RBFOX1: variants seen among roughly 807,000 people sequenced by gnomAD.
The protein encoded by RBFOX1 is RNA binding fox-1 homolog 1, also known as RNA binding protein fox-1 homolog 1.
Under a neutral mutation model 57.7 loss-of-function variants are expected in RBFOX1, and 8 were observed. That is an observed-to-expected ratio of 0.14 (90% CI 0.08 to 0.25). The LOEUF (loss-of-function observed/expected upper bound fraction) is 0.25. Among genes scored for constraint, RBFOX1 ranks in the 10% least tolerant of loss-of-function variants. The probability of loss-of-function intolerance (pLI) is 1.00; values close to 1 mark genes in which losing one functional copy is unlikely to be tolerated. For synonymous variants in RBFOX1, 326 were observed against 222.4 expected (o/e 1.47, Z -4.15); for missense variants, 611 against 548.5 (o/e 1.11, Z -1.14).
At position 6,941,300 on chromosome 16, in the gene RBFOX1, C is replaced by CCTTCCTTCCT. The variant is rs1567990534; in HGVS notation, c.-15-110757_-15-110756insCTTCCTTCCT. 3.5e-3 allele frequency among the ~76,000 whole-genome samples: 278 copies of CCTTCCTTCCT among 79,178 alleles called. 2 individuals are homozygous for CCTTCCTTCCT. The highest frequency in any genetic ancestry group is 5.1e-3 in the African/African-American group (90 of 17,630). 51.9% of individuals were successfully genotyped at this position (79,178 alleles called of 152,430 possible). ...CTCCCTTCCCTCCTTCCCTCCCTCC[C>CCTTCCTTCCT]TCCTTCCTTCCTTCCTTCCTTCCTT... On this transcript the variant is annotated intron_variant, in intron 3 of 15. Coordinates refer to ENST00000550418, the MANE Select transcript of RBFOX1 (RefSeq NM_018723.4).
At chr16:6,947,872 G>A (rs762911093) in intron 3 of RBFOX1, among the ~76,000 whole-genome samples, 1 of 152,160 alleles carries the variant, frequency 6.6e-6, no homozygotes, top group Non-Finnish European at 1.5e-5. Context: ...CACCTCATGG[G>A]TTCAAGCGTT....
chr16:6,311,252 T>G (rs1477465827), intron 1 of RBFOX1, among the ~76,000 whole-genome samples: 1 of 130,598 alleles, frequency 7.7e-6, no homozygotes, highest in Non-Finnish European at 1.5e-5. Flanking sequence ...GCTGAGATCG[T>G]GCCACCGTAC....
intron 3 of RBFOX1, among the ~76,000 whole-genome samples, chr16:5,638,554 C>T (rs1372807500): frequency 2.0e-5 from 3 of 152,090 alleles, no homozygotes; most frequent in Non-Finnish European, 4.4e-5. Context: ...TCTTTGGGGC[C>T]TAAAGGAAGG....
intron 3 of RBFOX1, among the ~76,000 whole-genome samples, chr16:6,932,177 C>G (rs969210146): frequency 1.3e-5 from 2 of 152,168 alleles, no homozygotes; most frequent in African/African-American, 2.4e-5. Flanking sequence ...GATCTTGGCT[C>G]ACTGCAACCT....
intron 2 of RBFOX1, among the ~76,000 whole-genome samples, chr16:5,484,162 T>G (rs1433338623): frequency 6.6e-6 from 1 of 152,142 alleles, no homozygotes; most frequent in Non-Finnish European, 1.5e-5. Flanking sequence ...CAGAGCAAGA[T>G]CCTATCTCAA....
intron 3 of RBFOX1, among the ~76,000 whole-genome samples, chr16:6,875,360 C>G (rs994987750): frequency 6.6e-6 from 1 of 152,082 alleles, no homozygotes; most frequent in South Asian, 2.1e-4. Context: ...CAGCTTTGAC[C>G]TCTCCTGTCC....
rs570094696 is a variant in RBFOX1 at position 6,689,935 on chromosome 16, A to C, written c.-16+35285A>C. Among the ~76,000 whole-genome samples the C allele has an allele frequency of 5.9e-5, 9 of 152,336 alleles. 1 individual carries two copies. In the South Asian group the frequency reaches 1.9e-3, roughly 32 times the overall value. On this transcript the variant is annotated intron_variant, in intron 3 of 15. Coordinates refer to ENST00000550418, the MANE Select transcript of RBFOX1 (RefSeq NM_018723.4). ...TTTGTCAATTGAGAATCAGCAACGA[A>C]GAGGTGTAAGAGTTGACTGTTCCCC...
intron 1 of RBFOX1, among the ~76,000 whole-genome samples, chr16:6,234,507 G>A (rs1377438544): frequency 2.0e-5 from 3 of 152,202 alleles, no homozygotes; most frequent in Non-Finnish European, 4.4e-5. Context: ...TTGAAAGAAT[G>A]GATAAGAGAC....
At chr16:7,330,863 G>A (rs1202560671) in intron 4 of RBFOX1, among the ~76,000 whole-genome samples, 2 of 152,232 alleles carry the variant, frequency 1.3e-5, no homozygotes, top group Admixed American at 6.5e-5. Flanking sequence ...GGAGAGACAC[G>A]TCCGTCTCAC....
intron 4 of RBFOX1, among the ~76,000 whole-genome samples, chr16:7,175,189 C>T (rs1401874624): frequency 6.6e-6 from 1 of 152,030 alleles, no homozygotes; most frequent in African/African-American, 2.4e-5. Context: ...TCCTAATACT[C>T]TTCCTCCTAT....
In RBFOX1 at chr16:7,693,415, C is replaced by CG. The variant is rs777857948; in HGVS notation, c.996-15641_996-15640insG. ...GATGCATCCATCCAAGTCTCAGTAT[C>CG]CTTTTTTTTTTTTTTTTTTCTTCTT... On this transcript the variant is annotated intron_variant, in intron 14 of 15. Transcript: ENST00000550418. The CG allele has an allele frequency of 3.1e-6, 3 of 973,526 alleles. No individual in the cohort carries two copies. In the Admixed American group the frequency reaches 9.9e-5, roughly 32 times the overall value. The allele number at this position is 973,526 out of a possible 1,614,324, so 60.3% of individuals were successfully genotyped here.
chr16:7,694,663 C>G (rs1390992654), intron 14 of RBFOX1, among the ~76,000 whole-genome samples: 1 of 152,194 alleles, frequency 6.6e-6, no homozygotes, highest in Non-Finnish European at 1.5e-5. Flanking sequence ...ACATCCTTAA[C>G]ACTTTACTAA....
intron 2 of RBFOX1, among the ~76,000 whole-genome samples, chr16:6,493,363 A>T (rs1055443391): frequency 6.6e-6 from 1 of 152,124 alleles, no homozygotes; most frequent in Non-Finnish European, 1.5e-5. Context: ...ACAGAAGAAA[A>T]TCAAATTTCC....
intron 3 of RBFOX1, among the ~76,000 whole-genome samples, chr16:5,731,375 T>A (rs190594897): frequency 2.0e-4 from 30 of 152,358 alleles, no homozygotes; most frequent in Admixed American, 1.7e-3. Flanking sequence ...ATTTACAAAG[T>A]ACTTTCTTTG....
Position 6,777,315 on chromosome 16 carries a change from G to A in RBFOX1, c.-16+122665G>A, listed in dbSNP as rs189199184. Among the ~76,000 whole-genome samples, 866 of 152,154 alleles carry A rather than the reference G, an allele frequency of 5.7e-3. 9 individuals carry two copies. The highest frequency in any genetic ancestry group is 7.2e-3 in the Non-Finnish European group (492 of 68,004). Reference sequence around the variant, plus strand: ...GATTAGTACTACTGCATTTTAGCAAGGTATTTTGCTCCTATACCTAGTGGA... The same window carrying A: ...GATTAGTACTACTGCATTTTAGCAAAGTATTTTGCTCCTATACCTAGTGGA... On this transcript the variant is annotated intron_variant, in intron 3 of 15. Transcript: ENST00000550418.
At chr16:7,314,235 A>T (rs560457592) in intron 4 of RBFOX1, among the ~76,000 whole-genome samples, 14 of 152,200 alleles carry the variant, frequency 9.2e-5, no homozygotes, top group African/African-American at 3.4e-4. Flanking sequence ...TCTCCAACTA[A>T]CAGAGGAAAC....
chr16:6,025,948 C>T (rs1427317612), intron 1 of RBFOX1, among the ~76,000 whole-genome samples: 4 of 152,144 alleles, frequency 2.6e-5, no homozygotes, highest in Admixed American at 2.0e-4. Context: ...TCCTATGTAG[C>T]ACAAGCTGAG....
At chr16:7,345,230 G>A (rs532759288) in intron 4 of RBFOX1, among the ~76,000 whole-genome samples, 2 of 152,126 alleles carry the variant, frequency 1.3e-5, no homozygotes, top group African/African-American at 4.8e-5. Context: ...GCTTGCAAGC[G>A]ATGTCTTCTA....
At chr16:7,707,700 C>T (rs1221824374) in intron 14 of RBFOX1, among the ~76,000 whole-genome samples, 1 of 152,154 alleles carries the variant, frequency 6.6e-6, no homozygotes, top group Non-Finnish European at 1.5e-5. Context: ...AAGCCCACAG[C>T]TAATGCCGAA....
Sources: gnomAD v4.1 joint callset for allele counts (sites outside exome capture counted in the v4.1 genomes callset) on GRCh38, gnomAD v4.1.1 for gene constraint, MANE v1.5 for transcripts, NCBI Gene and HGNC (gene_info 2026-07-23, HGNC 2026-07-21) for gene names.